MAPKAP1: variants seen among roughly 807,000 people sequenced by gnomAD.
MAPKAP1 encodes target of rapamycin complex 2 subunit MAPKAP1.
Under a neutral mutation model 65.7 loss-of-function variants are expected in MAPKAP1, and 20 were observed. That is an observed-to-expected ratio of 0.30 (90% CI 0.21 to 0.44). The LOEUF is 0.44. Ranked by LOEUF, MAPKAP1 falls within the 20% of genes least tolerant of loss-of-function variation. The pLI is 1.00. For missense variants in MAPKAP1, 423 were observed against 648.0 expected (o/e 0.65, Z 3.77); for synonymous variants, 222 against 244.3 (o/e 0.91, Z 0.85).
intron 9 of MAPKAP1, among the ~76,000 whole-genome samples, chr9:125,482,491 C>T (rs1854355683): frequency 6.6e-6 from 1 of 152,180 alleles, no homozygotes; most frequent in Admixed American, 6.5e-5. Context: ...GGAGGAACAA[C>T]ACTGAATGAC....
At position 125,439,802 on chromosome 9, in the gene MAPKAP1, GC is replaced by G. The variant is rs1442826033; in HGVS notation, c.1444-791del. ...GCTACAGCGCTGAGACTTGGTCCTGGCCCTGGGGAGCTTGCTGCCTGGTGAG... is the reference window on the plus strand; with the variant it reads ...GCTACAGCGCTGAGACTTGGTCCTGGCCTGGGGAGCTTGCTGCCTGGTGAG... On this transcript the variant is annotated intron_variant, in intron 11 of 11. Coordinates refer to ENST00000265960, the MANE Select transcript of MAPKAP1 (RefSeq NM_001006617.3). The surrounding 1 kb of genome is among the most constrained non-coding windows in gnomAD (Gnocchi z 4.0). 1.3e-5 allele frequency among the ~76,000 whole-genome samples: 2 copies of G among 152,274 alleles called. No homozygotes were observed. Among genetic ancestry groups the G allele is most frequent in the Non-Finnish European group, 2.9e-5 (2 of 68,046 alleles).
chr9:125,484,669 A>G (rs1854434307), intron 8 of MAPKAP1, 86 bp from the exon 9 acceptor site: 1 of 1,336,806 alleles, frequency 7.5e-7, no homozygotes, highest in Admixed American at 2.3e-5. Context: ...GATAAATTAA[A>G]ATAATATGGG....
intron 4 of MAPKAP1, among the ~76,000 whole-genome samples, chr9:125,649,223 G>A (rs1376425602): frequency 6.6e-6 from 1 of 152,150 alleles, no homozygotes; most frequent in East Asian, 1.9e-4. Flanking sequence ...CTCAGTGCTC[G>A]ATATTCATTC....
At chr9:125,670,615 G>C (rs1378445034) in intron 2 of MAPKAP1, among the ~76,000 whole-genome samples, 2 of 152,116 alleles carry the variant, frequency 1.3e-5, no homozygotes, top group African/African-American at 4.8e-5. Context: ...GCATCTAAGT[G>C]CTACCTAAAG....
At chr9:125,668,709 T>C (rs920870905) in intron 3 of MAPKAP1, among the ~76,000 whole-genome samples, 2 of 152,250 alleles carry the variant, frequency 1.3e-5, no homozygotes, top group Admixed American at 6.5e-5. Flanking sequence ...CCAGCCTTTA[T>C]ACACATACTA....
chr9:125,580,572 A>C (rs1222742335), intron 5 of MAPKAP1, among the ~76,000 whole-genome samples: 4 of 151,804 alleles, frequency 2.6e-5, no homozygotes, highest in Admixed American at 1.3e-4. Context: ...CATTAAGTGA[A>C]ATACCTATTG....
intron 11 of MAPKAP1, among the ~76,000 whole-genome samples, chr9:125,442,758 AGCTAATCAT>A (rs1852543609): frequency 6.6e-6 from 1 of 152,138 alleles, no homozygotes; most frequent in African/African-American, 2.4e-5. Context: ...CCTTTCATCC[AGCTAATCAT>A]GCTACTCTGT....
chr9:125,481,014 A>G (rs1380095741), intron 9 of MAPKAP1, among the ~76,000 whole-genome samples: 1 of 148,472 alleles, frequency 6.7e-6, no homozygotes, highest in Admixed American at 6.7e-5. Flanking sequence ...ATATGCTTCT[A>G]TGGGCCAGAC....
At chr9:125,701,244 T>C (rs1835586696) in intron 1 of MAPKAP1, among the ~76,000 whole-genome samples, 1 of 152,232 alleles carries the variant, frequency 6.6e-6, no homozygotes, top group African/African-American at 2.4e-5. Flanking sequence ...CGCAGGGAAC[T>C]GGAAAATGTT....
rs567657113 is a variant in MAPKAP1 at position 125,577,320 on chromosome 9, C to T, written c.671+8235G>A. Among the ~76,000 whole-genome samples, 95 of 150,376 alleles carry T rather than the reference C, an allele frequency of 6.3e-4. 1 individual carries two copies. Among genetic ancestry groups the T allele is most frequent in the African/African-American group, 2.2e-3 (89 of 40,940 alleles). ...CTGAGAAGTGAGGAGCCCCTCCGCCCGGCAGCCACCCCGTCTGGTAAGTGA... is the reference window on the plus strand; with the variant it reads ...CTGAGAAGTGAGGAGCCCCTCCGCCTGGCAGCCACCCCGTCTGGTAAGTGA... On this transcript the variant is annotated intron_variant, in intron 5 of 11. Transcript: ENST00000265960.
intron 2 of MAPKAP1, among the ~76,000 whole-genome samples, chr9:125,671,422 G>GT (rs1312723183): frequency 6.6e-6 from 1 of 152,096 alleles, no homozygotes; most frequent in Non-Finnish European, 1.5e-5. Flanking sequence ...AAATAAATAT[G>GT]TAAGTATTTT....
chr9:125,698,521 T>G (rs1835500397), intron 1 of MAPKAP1, among the ~76,000 whole-genome samples: 1 of 151,064 alleles, frequency 6.6e-6, no homozygotes, highest in Non-Finnish European at 1.5e-5. Flanking sequence ...TTTGTATTTT[T>G]AGTAGAGACA....
In MAPKAP1 at chr9:125,672,660, C is replaced by T; in HGVS notation, c.-69-17G>A. 7.0e-7 allele frequency: 1 copy of T among 1,435,426 alleles called. No homozygotes were observed. The highest frequency in any genetic ancestry group is 9.6e-7 in the Non-Finnish European group (1 of 1,041,516). 88.9% of individuals were successfully genotyped at this position (1,435,426 alleles called of 1,614,324 possible). The stretch of plus-strand genomic sequence containing the variant: ...CTCACCTACCTAGAAACATGATGTA[C>T]ACAGCAAATATTTAAGAATAAGGCA... On this transcript the variant is annotated splice_polypyrimidine_tract_variant and intron_variant, in intron 1 of 11. Coordinates refer to ENST00000265960, the MANE Select transcript of MAPKAP1 (RefSeq NM_001006617.3).
intron 3 of MAPKAP1, among the ~76,000 whole-genome samples, chr9:125,667,267 T>C (rs1468285412): frequency 6.6e-6 from 1 of 152,212 alleles, no homozygotes; most frequent in Non-Finnish European, 1.5e-5. Context: ...CTGAAGAACT[T>C]ACTTCTCACA....
At chr9:125,481,863 G>GA (rs1564526229) in intron 9 of MAPKAP1, among the ~76,000 whole-genome samples, 1 of 151,810 alleles carries the variant, frequency 6.6e-6, no homozygotes, top group Non-Finnish European at 1.5e-5. Context: ...AGGCGTGGTG[G>GA]TTCACGCCTG....
intron 1 of MAPKAP1, among the ~76,000 whole-genome samples, chr9:125,677,454 G>C (rs1834681282): frequency 6.6e-6 from 1 of 152,066 alleles, no homozygotes; most frequent in East Asian, 1.9e-4. Context: ...CCAGCACTTT[G>C]GGGGGCCAAG....
intron 1 of MAPKAP1, among the ~76,000 whole-genome samples, chr9:125,679,530 A>G (rs1361367711): frequency 6.6e-6 from 1 of 152,182 alleles, no homozygotes; most frequent in Admixed American, 6.5e-5. Flanking sequence ...GAACAAAGGA[A>G]CTTCAGTGAT....
chr9:125,559,452 T>C (rs1246894118), intron 6 of MAPKAP1, 181 bp downstream of exon 6: 1 of 566,466 alleles, frequency 1.8e-6, no homozygotes, highest in Admixed American at 3.1e-5. Flanking sequence ...GTAGCCTAGG[T>C]GCAGAGGCAT....
rs1271462325 is a variant in MAPKAP1, at chr9:125,575,545, T to C, written c.671+10010A>G. ...TCTAATGTATAGTGGCCATTAAAAA[T>C]GGGCAAAAGATAAGAACAGCTCACC... On this transcript the variant is annotated intron_variant, in intron 5 of 11. Coordinates refer to ENST00000265960, the MANE Select transcript of MAPKAP1 (RefSeq NM_001006617.3). 5.3e-5 allele frequency among the ~76,000 whole-genome samples: 8 copies of C among 152,240 alleles called. No individual in the cohort carries two copies. In the South Asian group the frequency reaches 1.7e-3, roughly 32 times the overall value.
Sources: allele counts gnomAD v4.1 joint callset (sites outside exome capture counted in the v4.1 genomes callset), GRCh38; gene constraint gnomAD v4.1.1; non-coding constraint Gnocchi (gnomAD v3.1); transcripts MANE v1.5; gene names NCBI Gene and HGNC (gene_info 2026-07-23, HGNC 2026-07-21).